NEBL: variants seen among roughly 807,000 people sequenced by gnomAD.
NEBL encodes the protein nebulette, also known as LIM and SH3 protein 2.
A neutral mutation model predicts 140.2 loss-of-function variants in NEBL; 122 were observed. That is an observed-to-expected ratio of 0.87 (90% CI 0.75 to 1.01). The LOEUF (loss-of-function observed/expected upper bound fraction) is 1.01. NEBL is among the 50% of genes least tolerant of loss of function. The pLI is 0.00. For synonymous variants in NEBL, 436 were observed against 398.9 expected (o/e 1.09, Z -1.11); for missense variants, 1,365 against 1,231.3 (o/e 1.11, Z -1.62).
At chr10:20,835,191 C>T (rs1251783433) in intron 14 of NEBL, among the ~76,000 whole-genome samples, 1 of 152,090 alleles carries the variant, frequency 6.6e-6, no homozygotes, top group Non-Finnish European at 1.5e-5. Flanking sequence ...TTAAAAAATA[C>T]CATGAAAACA....
intron 2 of NEBL, among the ~76,000 whole-genome samples, chr10:21,090,450 A>C (rs1249217105): frequency 6.6e-6 from 1 of 152,244 alleles, no homozygotes; most frequent in Non-Finnish European, 1.5e-5. Flanking sequence ...AGAGTGATTT[A>C]AAGTATACAG....
At chr10:20,885,569 T>G (rs1213042534) in intron 4 of NEBL, among the ~76,000 whole-genome samples, 1 of 152,228 alleles carries the variant, frequency 6.6e-6, no homozygotes, top group Admixed American at 6.5e-5. Context: ...ATTTTTCATG[T>G]TAAGTTCTAT....
In NEBL at chr10:21,169,049, C is replaced by CAA. The variant is rs147147865; in HGVS notation, c.164+3332_164+3333dup. ...GCGCTACAGAGTGAGACTCCGTCTA[C>CAA]AAAAAAAAAAAAAAAAAAATATATA... On this transcript the variant is annotated intron_variant, in intron 2 of 6. Coordinates refer to the NEBL transcript ENST00000417816. 4.9e-3 allele frequency among the ~76,000 whole-genome samples: 126 copies of CAA among 25,496 alleles called. 11 individuals are homozygous for CAA. Among genetic ancestry groups the CAA allele is most frequent in the African/African-American group, 5.9e-3 (41 of 6,942 alleles). The allele number at this position is 25,496 out of a possible 152,430, so 16.7% of individuals were successfully genotyped here. A position where few individuals can be genotyped will look rare whatever the true frequency, so the allele number is the denominator to read the frequency against.
chr10:21,005,917 G>T (rs1740051816), intron 3 of NEBL, among the ~76,000 whole-genome samples: 1 of 149,038 alleles, frequency 6.7e-6, no homozygotes, highest in African/African-American at 2.5e-5. Flanking sequence ...ACCAATGTTA[G>T]TAACCTGGAA....
intron 21 of NEBL, 91 bp from the exon 22 acceptor site, chr10:20,815,808 A>C (rs1432446418): frequency 2.1e-6 from 2 of 948,360 alleles, no homozygotes; most frequent in African/African-American, 3.3e-5. Context: ...TTGCTCTGTC[A>C]CCCAGGCTGA....
At chr10:20,934,936 G>A (rs1317769401) in intron 4 of NEBL, among the ~76,000 whole-genome samples, 1 of 152,216 alleles carries the variant, frequency 6.6e-6, no homozygotes, top group Non-Finnish European at 1.5e-5. Context: ...TAGGTCAAGA[G>A]TTGTGATTGG....
intron 2 of NEBL, among the ~76,000 whole-genome samples, chr10:21,149,275 TC>T (rs1840043664): frequency 6.6e-6 from 1 of 151,972 alleles, no homozygotes; most frequent in Admixed American, 6.6e-5. Flanking sequence ...GTCGTCGGTA[TC>T]CTTTGCAATA....
chr10:21,121,109 C>G (rs1256813317), intron 2 of NEBL, among the ~76,000 whole-genome samples: 1 of 152,130 alleles, frequency 6.6e-6, no homozygotes, highest in Non-Finnish European at 1.5e-5. Context: ...ATGTTTGGCC[C>G]TGAAACTTTT....
intron 4 of NEBL, among the ~76,000 whole-genome samples, chr10:20,916,611 T>C (rs1054569457): frequency 9.2e-5 from 14 of 152,312 alleles, no homozygotes; most frequent in Admixed American, 2.6e-4. Flanking sequence ...GGTTTCACCA[T>C]GTTGGCCAGG....
At chr10:20,866,443 T>C (rs1009215979) in intron 7 of NEBL, among the ~76,000 whole-genome samples, 3 of 152,212 alleles carry the variant, frequency 2.0e-5, no homozygotes, top group Non-Finnish European at 2.9e-5. Context: ...TTATTCCTAT[T>C]ATGTTCTCTA....
rs75912838 is a variant in NEBL, at chr10:20,823,985, A to C, written c.1870-685T>G. On this transcript the variant is annotated intron_variant, in intron 18 of 27. Coordinates refer to ENST00000377122, the MANE Select transcript of NEBL (RefSeq NM_006393.3). ...CTTTATCCTGGCTTCTACTTCACTC[A>C]AAATCTCCCCCATCACATATATTTA... Among the ~76,000 whole-genome samples, 83 of 152,234 alleles carry C rather than the reference A, an allele frequency of 5.5e-4. 1 individual carries two copies. Among genetic ancestry groups the C allele is most frequent in the African/African-American group, 1.9e-3 (78 of 41,564 alleles).
At chr10:20,933,101 T>C (rs1018241867) in intron 4 of NEBL, among the ~76,000 whole-genome samples, 2 of 152,116 alleles carry the variant, frequency 1.3e-5, no homozygotes, top group African/African-American at 4.8e-5. Flanking sequence ...AGAACCTAGA[T>C]TCTCTCGATG....
At chr10:21,281,007 A>G (rs1842985975) in intron 1 of NEBL, among the ~76,000 whole-genome samples, 1 of 152,214 alleles carries the variant, frequency 6.6e-6, no homozygotes, top group African/African-American at 2.4e-5. Flanking sequence ...ATAGGCAGAT[A>G]TGTTCAAATA....
intron 2 of NEBL, among the ~76,000 whole-genome samples, chr10:20,892,108 C>G (rs540337968): frequency 6.6e-6 from 1 of 152,194 alleles, no homozygotes; most frequent in Admixed American, 6.5e-5. Context: ...CCCATTATCT[C>G]CTATTAAAAG....
At chr10:21,124,634 T>A (rs1405593438) in intron 2 of NEBL, among the ~76,000 whole-genome samples, 1 of 152,052 alleles carries the variant, frequency 6.6e-6, no homozygotes, top group East Asian at 1.9e-4. Flanking sequence ...GCAATAAAAA[T>A]GATCAGAAAT....
At chr10:20,805,713 T>C (rs1010553645) in intron 26 of NEBL, among the ~76,000 whole-genome samples, 2 of 151,872 alleles carry the variant, frequency 1.3e-5, no homozygotes, top group African/African-American at 2.4e-5. Context: ...ATTAGCCAAG[T>C]GTGGTGGCGT....
intron 4 of NEBL, among the ~76,000 whole-genome samples, chr10:20,920,445 T>C (rs935079877): frequency 6.6e-6 from 1 of 152,196 alleles, no homozygotes; most frequent in African/African-American, 2.4e-5. Context: ...AGCGACACAC[T>C]GGAGCTGTCA....
intron 26 of NEBL, among the ~76,000 whole-genome samples, chr10:20,805,979 T>A (rs1201353797): frequency 6.6e-6 from 1 of 152,170 alleles, no homozygotes; most frequent in Non-Finnish European, 1.5e-5. Context: ...AAAATATGAT[T>A]ATTCCCTCTT....
chr10:20,815,673 T>C lies in NEBL; in HGVS notation c.2193A>G (p.Val731=). ...GQLGRATTLS[V]TPEMERVKKN... ...TCTTCACTCTTTCCATTTCAGGAGT[T>C]ACACTTAAAGTGGTAGCTCTTCCCA... Residue 731 remains valine, a synonymous_variant, in exon 22 of 28, where the codon GTA becomes GTG. Coordinates refer to ENST00000377122, the MANE Select transcript of NEBL (RefSeq NM_006393.3). The C allele has an allele frequency of 2.5e-6, 4 of 1,613,172 alleles. No homozygotes were observed. The highest frequency in any genetic ancestry group is 3.4e-6 in the Non-Finnish European group (4 of 1,179,210).
Sources: gnomAD v4.1 joint callset for allele counts (sites outside exome capture counted in the v4.1 genomes callset) on GRCh38, gnomAD v4.1.1 for gene constraint, MANE v1.5 for transcripts, NCBI Gene and HGNC (gene_info 2026-07-23, HGNC 2026-07-21) for gene names.